Variants in PLEKHN1 observed in about 807,000 individuals in gnomAD.
PLEKHN1 encodes pleckstrin homology domain-containing family N member 1.
Under a neutral mutation model 72.8 loss-of-function variants are expected in PLEKHN1, and 68 were observed. The observed-to-expected ratio is 0.93, with a 90% CI of 0.77 to 1.14. PLEKHN1 has a LOEUF of 1.14. PLEKHN1 is among the 50% of genes most tolerant of loss of function. PLEKHN1 has a pLI of 0.00. For missense variants in PLEKHN1, 1,015 were observed against 840.5 expected (o/e 1.21, Z -2.57); for synonymous variants, 454 against 371.6 (o/e 1.22, Z -2.55).
Position 974,502 on chromosome 1 carries a change from T to C in PLEKHN1, c.1763T>C (p.Leu588Ser), listed in dbSNP as rs778495044. 6 of 1,612,698 alleles carry C rather than the reference T, an allele frequency of 3.7e-6. No homozygotes were observed. The highest frequency in any genetic ancestry group is 5.1e-6 in the Non-Finnish European group (6 of 1,179,900). ...PGYDHLWDET[L>S]SSSHQKCPQL... Reference sequence around the variant, plus strand: ...TACGACCACCTCTGGGACGAGACTTTGTCTTCCTCCCACCAGAAGTGCCCC... The same window carrying C: ...TACGACCACCTCTGGGACGAGACTTCGTCTTCCTCCCACCAGAAGTGCCCC... The change falls in exon 16 of 16, where the codon TTG becomes TCG. Residue 588 changes from leucine (L) to serine (S), a missense_variant. Leu to Ser is a moderately radical substitution (Grantham distance 145). Transcript: ENST00000379410.
intron 2 of PLEKHN1, among the ~76,000 whole-genome samples, chr1:968,172 T>G (rs1178080840): frequency 6.6e-6 from 1 of 152,164 alleles, no homozygotes; most frequent in Non-Finnish European, 1.5e-5. Flanking sequence ...ACGCTGGGTG[T>G]GGGTACAGGA....
At chr1:972,182 C>T (rs1281990867) in intron 9 of PLEKHN1, 32 bp downstream of exon 9, 2 of 1,610,112 alleles carry the variant, frequency 1.2e-6, no homozygotes, top group East Asian at 2.2e-5. Flanking sequence ...TGCCTCCCGC[C>T]TGGCCAGGCC....
intron 2 of PLEKHN1, among the ~76,000 whole-genome samples, chr1:967,028 T>TGGGCGGGGCGGGCCGC (rs1643032516): frequency 6.6e-6 from 1 of 152,108 alleles, no homozygotes; most frequent in Non-Finnish European, 1.5e-5. Context: ...GGGAGAGAGC[T>TGGGCGGGGCGGGCCGC]GGGCGGGGCG....
rs1320097562 is a variant in PLEKHN1, at chr1:973,884, C to T, written c.1486C>T (p.Pro496Ser). 3 of 1,611,128 alleles carry T rather than the reference C, an allele frequency of 1.9e-6. No homozygotes were observed. The highest frequency in any genetic ancestry group is 1.1e-5 in the South Asian group (1 of 91,016). ...TGGACCCACGCCCTCGAGCCCACTCCCCTCGGTGCCTGTGTCTGTGCCTGC... is the reference window on the plus strand; with the variant it reads ...TGGACCCACGCCCTCGAGCCCACTCTCCTCGGTGCCTGTGTCTGTGCCTGC... The part of the protein sequence containing the change: ...ARGPTPSSPL[P>S]SVPVSVPASD... The change falls in exon 14 of 16, where the codon CCC (proline) becomes TCC (serine). Residue 496 changes from proline (P) to serine (S), a missense_variant. Transcript: ENST00000379410.
chr1:973,337 C>G lies in PLEKHN1; in HGVS notation c.1293+11C>G, dbSNP rs1430156047. 3.2e-6 allele frequency: 5 copies of G among 1,549,520 alleles called. No homozygotes were observed. The highest frequency in any genetic ancestry group is 1.4e-5 in the African/African-American group (1 of 73,604). On this transcript the variant is annotated intron_variant, in intron 12 of 15. Coordinates refer to ENST00000379410, the MANE Select transcript of PLEKHN1 (RefSeq NM_032129.3). ...CTGGACCTGACCCAGGTGGGCCCAG[C>G]ACACCCACACAGCCCCTGGCCTGGT...
Position 974,690 on chromosome 1 carries a change from C to G in PLEKHN1, c.*115C>G. ...CTGAACCCAGTGTGATGGGGGGAGT[C>G]TCTGGGGCCCTGAGTTCAGAGCCCG... is the stretch of plus-strand genomic sequence containing the variant. On this transcript the variant is annotated 3_prime_UTR_variant, in exon 16 of 16. Coordinates refer to ENST00000379410, the MANE Select transcript of PLEKHN1 (RefSeq NM_032129.3). 2 of 1,334,336 alleles carry G rather than the reference C, an allele frequency of 1.5e-6. No individual in the cohort carries two copies. The highest frequency in any genetic ancestry group is 2.0e-6 in the Non-Finnish European group (2 of 998,786). The allele number at this position is 1,334,336 out of a possible 1,614,324, so 82.7% of individuals were successfully genotyped here.
At position 972,297 on chromosome 1, in the gene PLEKHN1, T is replaced by C. The variant is rs1324872519; in HGVS notation, c.875T>C (p.Ile292Thr). The C allele has an allele frequency of 3.1e-6, 5 of 1,611,988 alleles. No homozygotes were observed. Among genetic ancestry groups the C allele is most frequent in the Non-Finnish European group, 3.4e-6 (4 of 1,179,442 alleles). The change falls in exon 10 of 16, where the codon ATC (isoleucine) becomes ACC (threonine). Residue 292 changes from isoleucine (I) to threonine (T), a missense_variant. Transcript: ENST00000379410. Reference protein sequence around the residue: ...IRSFLIEGPLINTIRVVCASY... With the variant: ...IRSFLIEGPLTNTIRVVCASY... Reference sequence around the variant, plus strand: ...AGCATCTGTATGCCAGGCCCCCTCATCAACACCATCCGCGTGGTGTGCGCC... The same window carrying C: ...AGCATCTGTATGCCAGGCCCCCTCACCAACACCATCCGCGTGGTGTGCGCC...
At chr1:969,796 CAT>C (rs1224153353) in intron 2 of PLEKHN1, among the ~76,000 whole-genome samples, 4 of 151,958 alleles carry the variant, frequency 2.6e-5, no homozygotes, top group South Asian at 2.1e-4. Context: ...TGCATTTATA[CAT>C]GTGTATGTGT....
At position 970,958 on chromosome 1, in the gene PLEKHN1, G is replaced by A. The variant is rs1219088998; in HGVS notation, c.564G>A (p.Gln188=). 1.9e-6 allele frequency: 3 copies of A among 1,608,706 alleles called. No individual in the cohort carries two copies. Among genetic ancestry groups the A allele is most frequent in the East Asian group, 4.5e-5 (2 of 44,758 alleles). ...LDRWLYHLEK[Q]TALLGGPRRC... The stretch of plus-strand genomic sequence containing the variant: ...GCTGGCTTTACCACCTGGAGAAGCA[G>A]ACGGCCCTCCTCGGGGGGCCGCGGC... Residue 188 remains glutamine, a synonymous_variant, in exon 6 of 16, where the codon CAG becomes CAA. Transcript: ENST00000379410. This position sits in a 1 kb window ranked among gnomAD's most constrained non-coding sequence, Gnocchi z 4.2.
intron 12 of PLEKHN1, 47 bp from the exon 13 acceptor site, chr1:973,453 G>A: frequency 1.2e-6 from 2 of 1,602,676 alleles, no homozygotes; most frequent in Admixed American, 1.7e-5. Flanking sequence ...GGGTGGCCTA[G>A]GCTGTTTCTA....
chr1:967,354 G>C (rs914188298), intron 2 of PLEKHN1, among the ~76,000 whole-genome samples: 3 of 145,134 alleles, frequency 2.1e-5, no homozygotes, highest in African/African-American at 7.6e-5. Context: ...CGTCAAAGGA[G>C]CAGAAGACCA....
At chr1:969,759 T>TTGTG (rs539032589) in intron 2 of PLEKHN1, among the ~76,000 whole-genome samples, 3 of 151,342 alleles carry the variant, frequency 2.0e-5, no homozygotes, top group Admixed American at 2.0e-4. Flanking sequence ...TATGTGTCTA[T>TTGTG]TGTGTGTGTA....
chr1:975,581 G>C lies in PLEKHN1; in HGVS notation c.*1006G>C, dbSNP rs569584405. 1.3e-5 allele frequency: 2 copies of C among 152,744 alleles called. No homozygotes were observed. The highest frequency in any genetic ancestry group is 1.9e-4 in the East Asian group (1 of 5,188). The allele number at this position is 152,744 out of a possible 1,614,324, so 9.5% of individuals were successfully genotyped here. Reference sequence around the variant, plus strand: ...CTGTCTCAGGCCAGAGCCCGCAGAGGCCTTGGCCACAGTCCTTTGAGGATC... The same window carrying C: ...CTGTCTCAGGCCAGAGCCCGCAGAGCCCTTGGCCACAGTCCTTTGAGGATC... On this transcript the variant is annotated 3_prime_UTR_variant, in exon 16 of 16. Coordinates refer to ENST00000379410, the MANE Select transcript of PLEKHN1 (RefSeq NM_032129.3).
chr1:971,715 CGT>C (rs1643339356), intron 8 of PLEKHN1, among the ~76,000 whole-genome samples: 1 of 152,194 alleles, frequency 6.6e-6, no homozygotes, highest in Admixed American at 6.5e-5. Context: ...CGTGCGTGTG[CGT>C]GTGTCCTCCA....
At position 971,072 on chromosome 1, in the gene PLEKHN1, C is replaced by G. The variant is rs1185066285; in HGVS notation, c.613-41C>G. 5 of 1,580,440 alleles carry G rather than the reference C, an allele frequency of 3.2e-6. No homozygotes were observed. The East Asian group carries it at 9.3e-5, about 29-fold the overall frequency. On this transcript the variant is annotated intron_variant, in intron 6 of 15. Coordinates refer to ENST00000379410, the MANE Select transcript of PLEKHN1 (RefSeq NM_032129.3). Reference sequence around the variant, plus strand: ...TCGCAGCCGGCTCTGACCTCCTCCTCACAGGGGTCCTGCGGAGACGAACTC... The same window carrying G: ...TCGCAGCCGGCTCTGACCTCCTCCTGACAGGGGTCCTGCGGAGACGAACTC...
chr1:969,157 G>A (rs1039717749), intron 2 of PLEKHN1, among the ~76,000 whole-genome samples: 4 of 152,216 alleles, frequency 2.6e-5, no homozygotes, highest in Non-Finnish European at 5.9e-5. Flanking sequence ...AGGGTTTTGA[G>A]TGTTACCCAG....
intron 8 of PLEKHN1, 82 bp from the exon 9 acceptor site, chr1:971,993 G>A (rs1643355053): frequency 7.4e-7 from 1 of 1,354,718 alleles, no homozygotes; most frequent in Non-Finnish European, 1.0e-6. Context: ...CCAAGCTCTG[G>A]AGGGCAAGAG....
rs1019747495 is a variant in PLEKHN1 at position 970,382 on chromosome 1, G to T, written c.289G>T (p.Val97Leu). ...GCCTGTGAGGAACCTGGGAAAAGTT[G>T]TGCATTACGCCAAGGTCCAGCTGCG... Reference protein sequence around the residue: ...RVPVRNLGKVVHYAKVQLRFQ... With the variant: ...RVPVRNLGKVLHYAKVQLRFQ... Residue 97 changes from valine to leucine, a missense_variant, in exon 3 of 16, where the codon GTG becomes TTG. Physicochemically the swap from Val to Leu is conservative, Grantham distance 32. Transcript: ENST00000379410. This position sits in a 1 kb window ranked among gnomAD's most constrained non-coding sequence, Gnocchi z 4.2. 6.2e-7 allele frequency: 1 copy of T among 1,613,530 alleles called. No individual in the cohort carries two copies. The highest frequency in any genetic ancestry group is 1.7e-4 in the Middle Eastern group (1 of 6,060).
At chr1:967,386 C>CCCG (rs1296396304) in intron 2 of PLEKHN1, among the ~76,000 whole-genome samples, 1 of 129,550 alleles carries the variant, frequency 7.7e-6, no homozygotes, top group Non-Finnish European at 1.7e-5. Flanking sequence ...ACCCCCCCCC[C>CCCG]AGCCCCTGTG....
Sources: allele counts gnomAD v4.1 joint callset (sites outside exome capture counted in the v4.1 genomes callset), GRCh38; gene constraint gnomAD v4.1.1; non-coding constraint Gnocchi (gnomAD v3.1); transcripts MANE v1.5; gene names NCBI Gene and HGNC (gene_info 2026-07-23, HGNC 2026-07-21).